The following ZC3H14 variants were observed in gnomAD, a reference collection of about 807,000 sequenced individuals.
ZC3H14 encodes zinc finger CCCH-type containing 14.
In ZC3H14, 31 loss-of-function variants were observed where a neutral mutation model predicts 92.4. That is an observed-to-expected ratio of 0.34 (90% confidence interval 0.25 to 0.45). The LOEUF (loss-of-function observed/expected upper bound fraction) is 0.45. Ranked by LOEUF, ZC3H14 falls within the 20% of genes least tolerant of loss-of-function variation. The pLI is 1.00. For synonymous variants in ZC3H14, 321 were observed against 300.9 expected (o/e 1.07, Z -0.69); for missense variants, 781 against 897.3 (o/e 0.87, Z 1.66).
At chr14:88,567,904 C>T (rs943271897) in intron 2 of ZC3H14, 135 bp from the exon 3 acceptor site, 12 of 738,326 alleles carry the variant, frequency 1.6e-5, no homozygotes, top group Non-Finnish European at 2.9e-5. Flanking sequence ...AAAGCTAAGC[C>T]ATCTTGTCCA....
At chr14:88,604,064 C>T (rs535043656) in intron 12 of ZC3H14, among the ~76,000 whole-genome samples, 1 of 152,038 alleles carries the variant, frequency 6.6e-6, no homozygotes, top group African/African-American at 2.4e-5. Flanking sequence ...TAGGCAGTCC[C>T]GATTTATTGA....
intron 8 of ZC3H14, among the ~76,000 whole-genome samples, chr14:88,576,523 C>T (rs1261975832): frequency 6.6e-6 from 1 of 152,176 alleles, no homozygotes; most frequent in East Asian, 1.9e-4. Flanking sequence ...CAGCTGTAAG[C>T]TGGTCTTACG....
intron 3 of ZC3H14, among the ~76,000 whole-genome samples, chr14:88,569,480 T>C (rs908514992): frequency 2.6e-5 from 4 of 152,212 alleles, no homozygotes; most frequent in Admixed American, 2.0e-4. Flanking sequence ...GAATACTGAC[T>C]AGAAGAGTAA....
chr14:88,608,986 TAC>T (rs1227081028), intron 13 of ZC3H14: 4 of 428,142 alleles, frequency 9.3e-6, no homozygotes, highest in Non-Finnish European at 8.5e-6. Context: ...ATAAAATATA[TAC>T]CTTTTTTATT....
chr14:88,624,847 G>T lies in ZC3H14; in HGVS notation c.*13096G>T. On this transcript the variant is annotated 3_prime_UTR_variant, in exon 17 of 17. Transcript: ENST00000251038. ...GCACATAAAAGGTAATAAAGGAGAA[G>T]CATATGAGGAGGAAGGTCGGAGAGG... The T allele has an allele frequency of 9.8e-7, 1 of 1,019,670 alleles. No homozygotes were observed. The highest frequency in any genetic ancestry group is 1.4e-6 in the Non-Finnish European group (1 of 714,022). The allele number at this position is 1,019,670 out of a possible 1,614,324, so 63.2% of individuals were successfully genotyped here.
At position 88,627,244 on chromosome 14, in the gene ZC3H14, A is replaced by T. The variant is rs1468774256; in HGVS notation, c.*15493A>T. On this transcript the variant is annotated 3_prime_UTR_variant, in exon 17 of 17. Transcript: ENST00000251038. ...CTTTTCACTTATCTTCGCTCCATTA[A>T]CTTTTCTTTATATAACGTAAATGTT... 1 of 592,966 alleles carries T rather than the reference A, an allele frequency of 1.7e-6. No individual in the cohort carries two copies. Among genetic ancestry groups the T allele is most frequent in the East Asian group, 2.8e-5 (1 of 35,568 alleles). The allele number at this position is 592,966 out of a possible 1,614,324, so 36.7% of individuals were successfully genotyped here.
chr14:88,567,899 T>G, intron 2 of ZC3H14, 140 bp from the exon 3 acceptor site: 1 of 728,488 alleles, frequency 1.4e-6, no homozygotes, highest in Non-Finnish European at 2.5e-6. Flanking sequence ...AAATTAAAGC[T>G]AAGCCATCTT....
At position 88,571,138 on chromosome 14, in the gene ZC3H14, CTT is replaced by C. The variant is rs1555396623; in HGVS notation, c.235+23_235+24del. 4.1e-6 allele frequency: 6 copies of C among 1,460,704 alleles called. No homozygotes were observed. The highest frequency in any genetic ancestry group is 5.6e-6 in the Non-Finnish European group (6 of 1,064,302). The allele number at this position is 1,460,704 out of a possible 1,614,324, so 90.5% of individuals were successfully genotyped here. On this transcript the variant is annotated intron_variant, in intron 4 of 16. Transcript: ENST00000251038. Reference sequence around the variant, plus strand: ...CTGTTACAACTGGTAAGATTCATAACTTTTTTTTTTAATTTCTGCTTGCTATG... The same window carrying C: ...CTGTTACAACTGGTAAGATTCATAACTTTTTTTTAATTTCTGCTTGCTATG...
In ZC3H14 at chr14:88,611,779, T is replaced by G; in HGVS notation, c.*28T>G. ...CCCAGTCCTGCCTGGCAGAAGATCA[T>G]GCAGTTTGGAAGTTTTCATGTACTG... is the stretch of plus-strand genomic sequence containing the variant. On this transcript the variant is annotated 3_prime_UTR_variant, in exon 17 of 17. Transcript: ENST00000251038. 5.6e-6 allele frequency: 9 copies of G among 1,613,996 alleles called. No individual in the cohort carries two copies. Among genetic ancestry groups the G allele is most frequent in the Non-Finnish European group, 7.6e-6 (9 of 1,179,918 alleles).
rs1352649943 is a variant in ZC3H14 at position 88,572,631 on chromosome 14, T to C, written c.485T>C (p.Leu162Ser). Reference protein sequence around the residue: ...ATRLMSTVKPLREPAPSEDVI... With the variant: ...ATRLMSTVKPSREPAPSEDVI... ...CGACTAATGTCAACAGTGAAACCTT[T>C]GAGGGAGCCAGCACCCTCTGAAGAT... The change falls in exon 6 of 17, where the codon TTG (leucine) becomes TCG (serine). Residue 162 changes from leucine to serine, a missense_variant. By Grantham distance (145) the Leu-to-Ser change is moderately radical (BLOSUM62 -2). Transcript: ENST00000251038. 1.9e-6 allele frequency: 3 copies of C among 1,614,214 alleles called. No homozygotes were observed.
chr14:88,596,458 T>G (rs1244457052), intron 9 of ZC3H14, among the ~76,000 whole-genome samples: 3 of 152,168 alleles, frequency 2.0e-5, no homozygotes, highest in Admixed American at 2.0e-4. Context: ...CCACCTTTAC[T>G]TTCCCCGCAG....
Position 88,612,765 on chromosome 14 carries a change from G to A in ZC3H14, c.*1014G>A, listed in dbSNP as rs2086973216. On this transcript the variant is annotated 3_prime_UTR_variant, in exon 17 of 17. Coordinates refer to ENST00000251038, the MANE Select transcript of ZC3H14 (RefSeq NM_024824.5). ...CAAGATAGATAGGATGAAACTTTTGGCCTACTGTATTACTTACAGAGTTTT... is the reference window on the plus strand; with the variant it reads ...CAAGATAGATAGGATGAAACTTTTGACCTACTGTATTACTTACAGAGTTTT... The A allele has an allele frequency of 6.6e-6, 1 of 152,460 alleles. No homozygotes were observed. 9.4% of individuals were successfully genotyped at this position (152,460 alleles called of 1,614,324 possible). A position where few individuals can be genotyped will look rare whatever the true frequency, so the allele number is the denominator to read the frequency against.
At position 88,616,470 on chromosome 14, in the gene ZC3H14, A is replaced by G. The variant is rs2140229638; in HGVS notation, c.*4719A>G. On this transcript the variant is annotated 3_prime_UTR_variant, in exon 17 of 17. Transcript: ENST00000251038. ...TGACCATTTTTCTCTAAGGAAAAGC[A>G]TTTGAAATTTGATAACTGATTATAG... 1.7e-6 allele frequency: 1 copy of G among 605,912 alleles called. No individual in the cohort carries two copies. Among genetic ancestry groups the G allele is most frequent in the African/African-American group, 1.8e-5 (1 of 54,268 alleles). 37.5% of individuals were successfully genotyped at this position (605,912 alleles called of 1,614,324 possible). A position where few individuals can be genotyped will look rare whatever the true frequency, so the allele number is the denominator to read the frequency against.
intron 2 of ZC3H14, among the ~76,000 whole-genome samples, chr14:88,566,352 G>A (rs1032166819): frequency 3.3e-5 from 5 of 151,654 alleles, no homozygotes; most frequent in African/African-American, 1.2e-4. Flanking sequence ...CCAAAGAAGG[G>A]GCCCAAGACC....
At chr14:88,576,262 C>T (rs527471070) in intron 8 of ZC3H14, among the ~76,000 whole-genome samples, 1 of 152,240 alleles carries the variant, frequency 6.6e-6, no homozygotes, top group South Asian at 2.1e-4. Context: ...TTAGATTCAA[C>T]ATTAGATATG....
intron 10 of ZC3H14, among the ~76,000 whole-genome samples, chr14:88,598,216 GC>G (rs1472150927): frequency 6.6e-6 from 1 of 152,028 alleles, no homozygotes; most frequent in Non-Finnish European, 1.5e-5. Context: ...ATGAGTTGGG[GC>G]ATGGGGCACT....
At chr14:88,572,502 A>G in intron 5 of ZC3H14, 76 bp from the exon 6 acceptor site, 1 of 1,568,930 alleles carries the variant, frequency 6.4e-7, no homozygotes, top group South Asian at 1.1e-5. Flanking sequence ...GAAATTTTTC[A>G]AGTAAACATT....
At chr14:88,606,357 C>T (rs1313052692) in intron 12 of ZC3H14, among the ~76,000 whole-genome samples, 1 of 152,190 alleles carries the variant, frequency 6.6e-6, no homozygotes, top group African/African-American at 2.4e-5. Context: ...TGCTCCCCGT[C>T]TGTCCCTTAT....
In ZC3H14 at chr14:88,617,693, C is replaced by T. The variant is rs1191885191; in HGVS notation, c.*5942C>T. ...GTTGCCCAGGCTGGTATCAAAACTT[C>T]TAGGCTCAAGTGATCCTCCCACCTC... On this transcript the variant is annotated 3_prime_UTR_variant, in exon 17 of 17. Coordinates refer to ENST00000251038, the MANE Select transcript of ZC3H14 (RefSeq NM_024824.5). 1 of 152,264 alleles carries T rather than the reference C, an allele frequency of 6.6e-6. No individual in the cohort carries two copies. Among genetic ancestry groups the T allele is most frequent in the African/African-American group, 2.4e-5 (1 of 41,414 alleles). The allele number at this position is 152,264 out of a possible 1,614,324, so 9.4% of individuals were successfully genotyped here.
Sources: gnomAD v4.1 joint callset for allele counts (sites outside exome capture counted in the v4.1 genomes callset) on GRCh38, gnomAD v4.1.1 for gene constraint, MANE v1.5 for transcripts, NCBI Gene and HGNC (gene_info 2026-07-23, HGNC 2026-07-21) for gene names.